Variants in CCDC180 observed in about 807,000 individuals in gnomAD.
CCDC180 encodes the protein coiled-coil domain containing 180, also known as coiled-coil domain-containing protein 180.
CCDC180 carries 154 observed loss-of-function variants against 209.2 expected under a neutral mutation model. That is an observed-to-expected ratio of 0.74 (90% confidence interval 0.65 to 0.84). The LOEUF (loss-of-function observed/expected upper bound fraction) is 0.84. Among genes scored for constraint, CCDC180 ranks in the 40% least tolerant of loss-of-function variants. The probability of loss-of-function intolerance (pLI) is 0.00; values close to 1 mark genes in which losing one functional copy is unlikely to be tolerated. For synonymous variants in CCDC180, 778 were observed against 749.1 expected, an observed-to-expected ratio of 1.04 and a Z score of -0.63; for missense variants, 1,874 against 1,997.3, an observed-to-expected ratio of 0.94 and a Z score of 1.18.
chr9:97,349,090 G>A lies in CCDC180; in HGVS notation c.2675-21G>A. The A allele has an allele frequency of 1.3e-6, 2 of 1,528,406 alleles. 1 individual carries two copies. Among genetic ancestry groups the A allele is most frequent in the South Asian group, 2.4e-5 (2 of 83,460 alleles). The allele number at this position is 1,528,406 out of a possible 1,614,324, so 94.7% of individuals were successfully genotyped here. ...GGTGAATCGGGTCCCCGGGGCCCCAGCTCTCTTAATCCTTTTTCAGCCGAG... is the reference window on the plus strand; with the variant it reads ...GGTGAATCGGGTCCCCGGGGCCCCAACTCTCTTAATCCTTTTTCAGCCGAG... On this transcript the variant is annotated intron_variant, in intron 20 of 36. Coordinates refer to ENST00000529487, the MANE Select transcript of CCDC180 (RefSeq NM_020893.6).
Position 97,325,052 on chromosome 9 carries a change from T to C in CCDC180, c.1405T>C (p.Trp469Arg), listed in dbSNP as rs866508132. Residue 469 changes from tryptophan to arginine, a missense_variant, in exon 14 of 37, where the codon TGG becomes CGG. By Grantham distance (101) the Trp-to-Arg change is moderately radical. Coordinates refer to ENST00000529487, the MANE Select transcript of CCDC180 (RefSeq NM_020893.6). ...CGAGACTCTGGCAGATCAGACAGAG[T>C]GGCAGAGTTCACACCTCTTCAAGTA... ...SFETLADQTEWQSSHLFKYFQ... is the reference protein window; with the variant it reads ...SFETLADQTERQSSHLFKYFQ... The C allele has an allele frequency of 5.0e-6, 8 of 1,613,712 alleles. No individual in the cohort carries two copies. The Middle Eastern group carries it at 1.3e-3, about 267-fold the overall frequency.
rs1833434435 is a variant in CCDC180, at chr9:97,323,772, A to G, written c.1249-9A>G. 1 of 1,557,006 alleles carries G rather than the reference A, an allele frequency of 6.4e-7. No individual in the cohort carries two copies. Among genetic ancestry groups the G allele is most frequent in the Non-Finnish European group, 8.7e-7 (1 of 1,149,580 alleles). The stretch of plus-strand genomic sequence containing the variant: ...TAAGCCAGGCTCTGCCTTGTCCCAC[A>G]CACTCCAGAAGCAGCTGCTGGACTG... On this transcript the variant is annotated splice_polypyrimidine_tract_variant and intron_variant, in intron 12 of 36. Transcript: ENST00000529487.
At position 97,371,892 on chromosome 9, in the gene CCDC180, TTA is replaced by T. The variant is rs1452619686; in HGVS notation, c.4600+193_4600+194del. ...AAGCAAATGCCAGATGGCTCAACGT[TTA>T]TATATAAAAAATGAAACCCTATTAA... On this transcript the variant is annotated intron_variant, in intron 34 of 36. Coordinates refer to ENST00000529487, the MANE Select transcript of CCDC180 (RefSeq NM_020893.6). 6.8e-6 allele frequency: 3 copies of T among 439,134 alleles called. No homozygotes were observed. In the East Asian group the frequency reaches 9.3e-5, roughly 14 times the overall value. 27.2% of individuals were successfully genotyped at this position (439,134 alleles called of 1,614,324 possible). A position where few individuals can be genotyped will look rare whatever the true frequency, so the allele number is the denominator to read the frequency against.
At position 97,366,544 on chromosome 9, in the gene CCDC180, C is replaced by A; in HGVS notation, c.4048-15C>A. ...CATGGAGTCCTCACCCGCACATGGTCACCCTCTCTGGCAGGAGTTCTACCG... is the reference window on the plus strand; with the variant it reads ...CATGGAGTCCTCACCCGCACATGGTAACCCTCTCTGGCAGGAGTTCTACCG... On this transcript the variant is annotated splice_polypyrimidine_tract_variant and intron_variant, in intron 30 of 36. Transcript: ENST00000529487. This position sits in a 1 kb window ranked among gnomAD's most constrained non-coding sequence, Gnocchi z 4.3. 2 of 1,612,962 alleles carry A rather than the reference C, an allele frequency of 1.2e-6. No individual in the cohort carries two copies. The highest frequency in any genetic ancestry group is 1.1e-5 in the South Asian group (1 of 90,902).
At chr9:97,327,737 C>T (rs548744002) in intron 15 of CCDC180, among the ~76,000 whole-genome samples, 16 of 152,208 alleles carry the variant, frequency 1.1e-4, no homozygotes, top group African/African-American at 3.4e-4. Flanking sequence ...CCGTCAAGTT[C>T]GAGGACAGCA....
chr9:97,374,703 G>T, intron 35 of CCDC180, 55 bp downstream of exon 35: 1 of 1,432,458 alleles, frequency 7.0e-7, no homozygotes. Flanking sequence ...GCTGGGGGTG[G>T]TGCAGTGTAA....
At chr9:97,325,873 C>T (rs1833513989) in intron 14 of CCDC180, among the ~76,000 whole-genome samples, 2 of 152,206 alleles carry the variant, frequency 1.3e-5, no homozygotes, top group African/African-American at 2.4e-5. Context: ...AAGTGTCAAA[C>T]TCTTGAGTAT....
chr9:97,307,814 T>C lies in CCDC180; in HGVS notation c.-82+8T>C. On this transcript the variant is annotated splice_region_variant and intron_variant, in intron 1 of 36. Transcript: ENST00000529487. ...GTTCAGAGCTCATCTGAGGTTAGTT[T>C]CATCGTTTCGTTGAAAGTTAAAACC... The C allele has an allele frequency of 6.2e-7, 1 of 1,614,162 alleles. No individual in the cohort carries two copies. The highest frequency in any genetic ancestry group is 8.5e-7 in the Non-Finnish European group (1 of 1,180,018).
intron 22 of CCDC180, 66 bp downstream of exon 22, chr9:97,350,621 T>G: frequency 6.8e-7 from 1 of 1,477,344 alleles, no homozygotes; most frequent in Non-Finnish European, 9.0e-7. Context: ...TGGTCTTGTT[T>G]CCCCCTTAAT....
chr9:97,362,077 G>A, intron 27 of CCDC180, 119 bp from the exon 28 acceptor site: 1 of 1,438,682 alleles, frequency 7.0e-7, no homozygotes, highest in Non-Finnish European at 9.4e-7. Context: ...CTGAAATGGG[G>A]CTCGTGACAG....
intron 18 of CCDC180, among the ~76,000 whole-genome samples, chr9:97,332,502 C>A (rs1329865040): frequency 6.6e-6 from 1 of 152,178 alleles, no homozygotes; most frequent in African/African-American, 2.4e-5. Context: ...TATCCATGAA[C>A]ATGGGATGTT....
intron 8 of CCDC180, among the ~76,000 whole-genome samples, chr9:97,316,498 A>G (rs1400750586): frequency 6.6e-6 from 1 of 152,180 alleles, no homozygotes; most frequent in Non-Finnish European, 1.5e-5. Flanking sequence ...GGATGGGGGA[A>G]GTTACTCTCA....
At position 97,375,684 on chromosome 9, in the gene CCDC180, TG is replaced by T. The variant is rs2118038508; in HGVS notation, c.4842+97del. The T allele has an allele frequency of 2.0e-6, 3 of 1,523,610 alleles. No individual in the cohort carries two copies. In the East Asian group the frequency reaches 6.9e-5, roughly 35 times the overall value. The allele number at this position is 1,523,610 out of a possible 1,614,324, so 94.4% of individuals were successfully genotyped here. ...TTCCCATCACCCGGCACCCAACATT[TG>T]GCTGGTGCAGCAGGCAACACATGTC... On this transcript the variant is annotated intron_variant, in intron 36 of 36. Coordinates refer to ENST00000529487, the MANE Select transcript of CCDC180 (RefSeq NM_020893.6).
At chr9:97,307,634 G>T, upstream of CCDC180, 1 of 1,103,202 alleles carries the variant, frequency 9.1e-7, no homozygotes, top group Non-Finnish European at 1.4e-6. Context: ...CGCCGCATTA[G>T]AGTTCCAGTC....
At chr9:97,319,870 G>A (rs1262608370) in intron 10 of CCDC180, among the ~76,000 whole-genome samples, 1 of 152,108 alleles carries the variant, frequency 6.6e-6, no homozygotes, top group Non-Finnish European at 1.5e-5. Flanking sequence ...CAAGGGATGT[G>A]AACAGTTTGT....
rs1827309221 is a variant in CCDC180, at chr9:97,378,363, G to A, written c.*1469G>A. ...GATAAACCCTATGCCATATCCTTCA[G>A]TATTCATTTACATCATTGGTTTTCA... On this transcript the variant is annotated 3_prime_UTR_variant, in exon 37 of 37. Coordinates refer to ENST00000529487, the MANE Select transcript of CCDC180 (RefSeq NM_020893.6). 1 of 152,174 alleles carries A rather than the reference G, an allele frequency of 6.6e-6. No homozygotes were observed. The highest frequency in any genetic ancestry group is 2.4e-5 in the African/African-American group (1 of 41,426). 9.4% of individuals were successfully genotyped at this position (152,174 alleles called of 1,614,324 possible).
chr9:97,372,091 C>T (rs770392061), intron 34 of CCDC180: 1 of 159,218 alleles, frequency 6.3e-6, no homozygotes, highest in South Asian at 1.9e-4. Flanking sequence ...ACTTACAGAT[C>T]AGAGAAAGGG....
chr9:97,335,103 T>C (rs1175280775), intron 18 of CCDC180, among the ~76,000 whole-genome samples: 1 of 152,196 alleles, frequency 6.6e-6, no homozygotes, highest in East Asian at 1.9e-4. Flanking sequence ...TTTTTGAAAG[T>C]AAGACTTTCC....
At chr9:97,318,317 C>A (rs980612243) in intron 9 of CCDC180, 146 bp from the exon 10 acceptor site, 2 of 888,142 alleles carry the variant, frequency 2.3e-6, no homozygotes, top group African/African-American at 1.7e-5. Context: ...AGAGAAGAGG[C>A]AAAGTCTGGG....
Sources: allele counts gnomAD v4.1 joint callset (sites outside exome capture counted in the v4.1 genomes callset), GRCh38; gene constraint gnomAD v4.1.1; non-coding constraint Gnocchi (gnomAD v3.1); transcripts MANE v1.5; gene names NCBI Gene and HGNC (gene_info 2026-07-23, HGNC 2026-07-21).